Variants in UBR3 observed in about 807,000 individuals in gnomAD.
UBR3 encodes the protein E3 ubiquitin-protein ligase UBR3.
In UBR3, 85 loss-of-function variants were observed where a neutral mutation model predicts 243.2. That is an observed-to-expected ratio of 0.35 (90% CI 0.29 to 0.42). The LOEUF (loss-of-function observed/expected upper bound fraction) is 0.42. UBR3 is among the 10% of genes least tolerant of loss of function. The pLI is 1.00. For missense variants in UBR3, 1,686 were observed against 2,300.8 expected, an observed-to-expected ratio of 0.73 and a Z score of 5.47; for synonymous variants, 748 against 799.8, an observed-to-expected ratio of 0.94 and a Z score of 1.09.
intron 1 of UBR3, among the ~76,000 whole-genome samples, chr2:169,866,561 C>A (rs1278864866): frequency 6.6e-6 from 1 of 152,124 alleles, no homozygotes; most frequent in Non-Finnish European, 1.5e-5. Context: ...CAGGGTTTCA[C>A]CATGTTGGCC....
At chr2:169,976,364 T>C (rs2088444115) in intron 24 of UBR3, among the ~76,000 whole-genome samples, 1 of 152,138 alleles carries the variant, frequency 6.6e-6, no homozygotes, top group Admixed American at 6.5e-5. Context: ...TTATACTTTT[T>C]CATTTTTTCA....
At chr2:169,952,967 T>C (rs2087107042) in intron 23 of UBR3, among the ~76,000 whole-genome samples, 1 of 152,154 alleles carries the variant, frequency 6.6e-6, no homozygotes, top group Non-Finnish European at 1.5e-5. Context: ...TCTCTCTTAG[T>C]GGTCAGATCC....
chr2:169,967,938 A>G (rs2087901502), intron 24 of UBR3, among the ~76,000 whole-genome samples: 1 of 151,816 alleles, frequency 6.6e-6, no homozygotes. Flanking sequence ...TCCCTTTCTT[A>G]GGTAAGTGTA....
At chr2:169,876,013 T>G in intron 3 of UBR3, 64 bp downstream of exon 3, 1 of 1,301,702 alleles carries the variant, frequency 7.7e-7, no homozygotes, top group Non-Finnish European at 1.0e-6. Context: ...AGAAATTGAG[T>G]CTTTTAGAAC....
intron 18 of UBR3, among the ~76,000 whole-genome samples, chr2:169,931,260 A>T (rs1057201645): frequency 6.8e-6 from 1 of 146,528 alleles, no homozygotes; most frequent in Admixed American, 6.9e-5. Flanking sequence ...CTGAGGCAGG[A>T]GAATGGCGTG....
At chr2:169,909,608 A>C (rs1287262994) in intron 10 of UBR3, among the ~76,000 whole-genome samples, 4 of 152,144 alleles carry the variant, frequency 2.6e-5, no homozygotes, top group Non-Finnish European at 5.9e-5. Flanking sequence ...AGTTAATAAT[A>C]ATGTATTTTA....
intron 10 of UBR3, among the ~76,000 whole-genome samples, chr2:169,911,721 T>C (rs2105337266): frequency 6.6e-6 from 1 of 152,284 alleles, no homozygotes; most frequent in African/African-American, 2.4e-5. Context: ...GAGCATGTAA[T>C]GGTACCTCAT....
At chr2:169,987,135 T>C (rs1231910631) in intron 25 of UBR3, among the ~76,000 whole-genome samples, 1 of 152,148 alleles carries the variant, frequency 6.6e-6, no homozygotes, top group Non-Finnish European at 1.5e-5. Context: ...GCATCTGTAA[T>C]TCCAGCACTT....
At chr2:169,851,654 A>G (rs915532809) in intron 1 of UBR3, among the ~76,000 whole-genome samples, 2 of 152,096 alleles carry the variant, frequency 1.3e-5, no homozygotes, top group South Asian at 4.2e-4. Flanking sequence ...TCACAAGGTC[A>G]AGAGATCAAG....
intron 31 of UBR3, among the ~76,000 whole-genome samples, chr2:170,031,259 A>G (rs2090660038): frequency 6.6e-6 from 1 of 152,066 alleles, no homozygotes; most frequent in Non-Finnish European, 1.5e-5. Context: ...CTTCATTTTT[A>G]AGATATGTTT....
intron 30 of UBR3, among the ~76,000 whole-genome samples, chr2:170,022,307 G>C (rs749547873): frequency 6.6e-6 from 1 of 152,172 alleles, no homozygotes; most frequent in Non-Finnish European, 1.5e-5. Flanking sequence ...TGGAGACATA[G>C]GAACTCCGGG....
intron 32 of UBR3, among the ~76,000 whole-genome samples, chr2:170,046,253 C>G (rs1467028432): frequency 6.6e-6 from 1 of 152,156 alleles, no homozygotes; most frequent in Non-Finnish European, 1.5e-5. Context: ...GTGTGAGCCA[C>G]TGTGCCCAGC....
intron 10 of UBR3, among the ~76,000 whole-genome samples, chr2:169,911,572 G>A (rs1217884924): frequency 6.6e-6 from 1 of 152,044 alleles, no homozygotes; most frequent in African/African-American, 2.4e-5. Flanking sequence ...TGGGAAAATA[G>A]GAGAGAGACA....
intron 24 of UBR3, among the ~76,000 whole-genome samples, chr2:169,972,239 C>G (rs2088190308): frequency 6.6e-6 from 1 of 152,044 alleles, no homozygotes; most frequent in Non-Finnish European, 1.5e-5. Context: ...CTGAATAGAC[C>G]AATAACAGGA....
rs1177089494 is a variant in UBR3 at position 170,057,953 on chromosome 2, G to A, written c.4785+2369G>A. On this transcript the variant is annotated intron_variant, in intron 33 of 38. Transcript: ENST00000272793. Reference sequence around the variant, plus strand: ...GATACATAGCAGTTTGTAAATGCCTGTAATACCAACAACTATACTGTAATA... The same window carrying A: ...GATACATAGCAGTTTGTAAATGCCTATAATACCAACAACTATACTGTAATA... 2.6e-5 allele frequency among the ~76,000 whole-genome samples: 4 copies of A among 152,244 alleles called. No individual in the cohort carries two copies. The East Asian group carries it at 5.8e-4, about 22-fold the overall frequency.
At chr2:170,072,333 A>C (rs1434564391) in intron 35 of UBR3, among the ~76,000 whole-genome samples, 1 of 151,942 alleles carries the variant, frequency 6.6e-6, no homozygotes, top group Non-Finnish European at 1.5e-5. Flanking sequence ...CAAAAAACCA[A>C]ACACCGCATA....
At chr2:169,977,472 C>A (rs116089719) in intron 24 of UBR3, among the ~76,000 whole-genome samples, 12 of 152,084 alleles carry the variant, frequency 7.9e-5, no homozygotes, top group African/African-American at 2.9e-4. Flanking sequence ...CAGTACAGTA[C>A]CCGGTCTGAG....
In UBR3 at chr2:169,967,459, G is replaced by A. The variant is rs2087875319; in HGVS notation, c.3634+8933G>A. 2.0e-5 allele frequency among the ~76,000 whole-genome samples: 3 copies of A among 152,160 alleles called. No homozygotes were observed. In the South Asian group the frequency reaches 6.2e-4, roughly 32 times the overall value. On this transcript the variant is annotated intron_variant, in intron 24 of 38. Coordinates refer to ENST00000272793, the MANE Select transcript of UBR3 (RefSeq NM_172070.4). ...GAGTGAAAACACTCCATTTCCAATA[G>A]ACACAGCAAAAATCCTTGCTGTGAC...
chr2:169,855,480 A>T (rs1416029809), intron 1 of UBR3, among the ~76,000 whole-genome samples: 1 of 152,076 alleles, frequency 6.6e-6, no homozygotes, highest in Non-Finnish European at 1.5e-5. Context: ...TGGTTTTCCT[A>T]GGCAGAGGGC....
Sources: gnomAD v4.1 joint callset for allele counts (sites outside exome capture counted in the v4.1 genomes callset) on GRCh38, gnomAD v4.1.1 for gene constraint, MANE v1.5 for transcripts, NCBI Gene and HGNC (gene_info 2026-07-23, HGNC 2026-07-21) for gene names.